MACROD2: variants seen among roughly 807,000 people sequenced by gnomAD.
The protein encoded by MACROD2 is mono-ADP ribosylhydrolase 2.
Under a neutral mutation model 70.4 loss-of-function variants are expected in MACROD2, and 36 were observed. The observed-to-expected ratio is 0.51, with a 90% CI of 0.39 to 0.68. The LOEUF (loss-of-function observed/expected upper bound fraction) is 0.68. MACROD2 is among the 30% of genes least tolerant of loss of function. The pLI is 0.00. For synonymous variants in MACROD2, 172 were observed against 178.8 expected, an observed-to-expected ratio of 0.96 and a Z score of 0.30; for missense variants, 496 against 538.4, an observed-to-expected ratio of 0.92 and a Z score of 0.78.
chr20:14,066,038 G>A (rs2053752202), intron 2 of MACROD2, among the ~76,000 whole-genome samples: 2 of 152,076 alleles, frequency 1.3e-5, no homozygotes, highest in Non-Finnish European at 2.9e-5. Context: ...AAGTTCTGTG[G>A]ATTACATTTT....
chr20:15,965,582 T>C (rs1445735888), intron 12 of MACROD2, among the ~76,000 whole-genome samples: 2 of 152,150 alleles, frequency 1.3e-5, no homozygotes, highest in East Asian at 3.8e-4. Context: ...GGTACAAGAC[T>C]AAATATCAAA....
chr20:14,523,682 T>C (rs1363246289), intron 4 of MACROD2, among the ~76,000 whole-genome samples: 1 of 152,182 alleles, frequency 6.6e-6, no homozygotes, highest in Non-Finnish European at 1.5e-5. Context: ...CTTCATAAAA[T>C]AGCAGAGATC....
chr20:15,554,489 A>AAATAAGTT (rs2048139521), intron 8 of MACROD2, among the ~76,000 whole-genome samples: 1 of 152,080 alleles, frequency 6.6e-6, no homozygotes, highest in African/African-American at 2.4e-5. Flanking sequence ...CTTTTCCATC[A>AAATAAGTT]AATAAGTTTC....
intron 6 of MACROD2, among the ~76,000 whole-genome samples, chr20:15,247,952 C>A (rs986724187): frequency 6.6e-5 from 10 of 152,194 alleles, no homozygotes; most frequent in Admixed American, 6.5e-4. Flanking sequence ...CCTGTCTTGG[C>A]TTCCCAAAGT....
At position 14,482,561 on chromosome 20, in the gene MACROD2, T is replaced by C. The variant is rs964043766; in HGVS notation, c.272-10918T>C. On this transcript the variant is annotated intron_variant, in intron 3 of 17. Transcript: ENST00000684519. ...GCATTAGGGTGAATGCAGAGCCAGG[T>C]CAGCTTCTGCATGAGCCAGCATACT... Among the ~76,000 whole-genome samples, 9 of 152,012 alleles carry C rather than the reference T, an allele frequency of 5.9e-5. 1 individual carries two copies. The South Asian group carries it at 1.7e-3, about 28-fold the overall frequency.
chr20:14,823,816 G>C (rs183069864), intron 5 of MACROD2, among the ~76,000 whole-genome samples: 31 of 152,110 alleles, frequency 2.0e-4, no homozygotes, highest in Non-Finnish European at 8.8e-5. Context: ...TTTTCGCTAA[G>C]AAGAGGAAAT....
chr20:14,826,424 G>C (rs1479166841), intron 5 of MACROD2, among the ~76,000 whole-genome samples: 1 of 151,990 alleles, frequency 6.6e-6, no homozygotes, highest in African/African-American at 2.4e-5. Flanking sequence ...CTGTTTTGGT[G>C]TGTATTTTCA....
chr20:15,318,940 A>G (rs771132658), intron 6 of MACROD2, among the ~76,000 whole-genome samples: 2 of 152,172 alleles, frequency 1.3e-5, no homozygotes, highest in South Asian at 2.1e-4. Context: ...GCTGTTCAAC[A>G]TTGTACTAAA....
At chr20:14,986,646 TA>T (rs906574035) in intron 5 of MACROD2, among the ~76,000 whole-genome samples, 34 of 152,246 alleles carry the variant, frequency 2.2e-4, no homozygotes, top group African/African-American at 8.2e-4. Context: ...AAAAAGACGT[TA>T]AAAAATCTTA....
chr20:14,776,234 G>A (rs774717643), intron 5 of MACROD2, among the ~76,000 whole-genome samples: 15 of 151,930 alleles, frequency 9.9e-5, no homozygotes, highest in Admixed American at 2.0e-4. Flanking sequence ...TTGGGGTTTC[G>A]TAGTCCAAAG....
chr20:14,859,274 AG>A (rs1287692305), intron 5 of MACROD2, among the ~76,000 whole-genome samples: 1 of 152,166 alleles, frequency 6.6e-6, no homozygotes, highest in East Asian at 1.9e-4. Flanking sequence ...GCAAATAGAA[AG>A]CATTCTATAA....
intron 15 of MACROD2, among the ~76,000 whole-genome samples, chr20:15,995,205 G>A (rs940667726): frequency 2.0e-5 from 3 of 151,854 alleles, no homozygotes; most frequent in Non-Finnish European, 4.4e-5. Context: ...TTCCACAAAT[G>A]CTTTTAATGC....
intron 5 of MACROD2, among the ~76,000 whole-genome samples, chr20:15,201,927 AT>A (rs1219051225): frequency 6.6e-6 from 1 of 152,212 alleles, no homozygotes; most frequent in Non-Finnish European, 1.5e-5. Flanking sequence ...TGAACACTGA[AT>A]CCCAGTGACC....
chr20:14,760,793 AACTT>A (rs1169298157), intron 5 of MACROD2, among the ~76,000 whole-genome samples: 1 of 152,026 alleles, frequency 6.6e-6, no homozygotes, highest in Non-Finnish European at 1.5e-5. Context: ...AACAACTACA[AACTT>A]AGGTCTCCAC....
At chr20:15,270,063 A>C (rs962786771) in intron 6 of MACROD2, among the ~76,000 whole-genome samples, 4 of 151,806 alleles carry the variant, frequency 2.6e-5, no homozygotes, top group Middle Eastern at 3.5e-3. Context: ...AATGTGGACT[A>C]TGAACTGGAT....
intron 8 of MACROD2, among the ~76,000 whole-genome samples, chr20:15,732,505 G>C (rs955446267): frequency 6.6e-6 from 1 of 152,178 alleles, no homozygotes; most frequent in South Asian, 2.1e-4. Context: ...TATCATGAAT[G>C]CCTGTTGAAT....
intron 5 of MACROD2, among the ~76,000 whole-genome samples, chr20:14,934,126 C>T (rs774910345): frequency 3.3e-5 from 5 of 152,140 alleles, no homozygotes; most frequent in South Asian, 2.1e-4. Context: ...TCTTGCAGCA[C>T]GTCAAAGAGT....
Position 14,002,334 on chromosome 20 carries a change from A to G in MACROD2, c.93A>G (p.Leu31=), listed in dbSNP as rs200806360. The change falls in exon 2 of 18, where the codon CTA becomes CTG. Residue 31 remains leucine (L), a synonymous_variant. Transcript: ENST00000684519. ...MTLEERRKEY[L]RDYIPLNSIL... The stretch of plus-strand genomic sequence containing the variant: ...TAGAAGAGAGACGCAAAGAATACCT[A>G]AGAGACTATATTCCCCTGAACAGCA... 6.2e-7 allele frequency: 1 copy of G among 1,610,516 alleles called. No homozygotes were observed. The highest frequency in any genetic ancestry group is 1.3e-5 in the African/African-American group (1 of 74,832).
intron 7 of MACROD2, among the ~76,000 whole-genome samples, chr20:15,487,555 A>G (rs1363780475): frequency 2.0e-5 from 3 of 152,144 alleles, no homozygotes; most frequent in African/African-American, 7.2e-5. Context: ...GCCATTGTAT[A>G]CCCTATCTAA....
Sources: gnomAD v4.1 joint callset for allele counts (sites outside exome capture counted in the v4.1 genomes callset) on GRCh38, gnomAD v4.1.1 for gene constraint, MANE v1.5 for transcripts, NCBI Gene and HGNC (gene_info 2026-07-23, HGNC 2026-07-21) for gene names.